Variants in CYP27A1 observed in about 807,000 individuals in gnomAD.
The protein encoded by CYP27A1 is cytochrome P450 family 27 subfamily A member 1, also known as sterol 26-hydroxylase, mitochondrial.
CYP27A1 carries 46 observed loss-of-function variants against 58.2 expected under a neutral mutation model. That is an observed-to-expected ratio of 0.79 (90% confidence interval 0.62 to 1.01). CYP27A1 has a LOEUF of 1.01. CYP27A1 is among the 50% of genes least tolerant of loss of function. The pLI, the probability that CYP27A1 is intolerant of heterozygous loss-of-function variation, is 0.00. For synonymous variants in CYP27A1, 274 were observed against 285.1 expected (o/e 0.96, Z 0.39); for missense variants, 704 against 687.0 (o/e 1.02, Z -0.28).
chr2:218,814,524 C>T (rs1350559523), intron 7 of CYP27A1, 21 bp from the exon 8 acceptor site: 1 of 1,613,598 alleles, frequency 6.2e-7, no homozygotes, highest in South Asian at 1.1e-5. Flanking sequence ...GGCATTCATG[C>T]TGCCCAATCT....
chr2:218,783,707 G>A (rs1171155566), intron 1 of CYP27A1, among the ~76,000 whole-genome samples: 3 of 152,128 alleles, frequency 2.0e-5, no homozygotes, highest in Non-Finnish European at 4.4e-5. Flanking sequence ...AAGAGGGAGG[G>A]GGCTTCGATT....
At chr2:218,804,659 T>C (rs936097790) in intron 1 of CYP27A1, among the ~76,000 whole-genome samples, 1 of 152,250 alleles carries the variant, frequency 6.6e-6, no homozygotes, top group African/African-American at 2.4e-5. Context: ...ATATTAAGTC[T>C]CCTAATCCAT....
At chr2:218,800,867 C>G (rs979106645) in intron 1 of CYP27A1, among the ~76,000 whole-genome samples, 2 of 152,082 alleles carry the variant, frequency 1.3e-5, no homozygotes, top group African/African-American at 4.8e-5. Context: ...TTGTAACTTG[C>G]CATTTTACAG....
At chr2:218,783,952 G>A (rs1300644656) in intron 1 of CYP27A1, among the ~76,000 whole-genome samples, 1 of 152,188 alleles carries the variant, frequency 6.6e-6, no homozygotes, top group Non-Finnish European at 1.5e-5. Context: ...AGCATGGGGT[G>A]AAGACGGCCT....
At chr2:218,804,199 C>T (rs1222745423) in intron 1 of CYP27A1, among the ~76,000 whole-genome samples, 1 of 152,058 alleles carries the variant, frequency 6.6e-6, no homozygotes, top group Non-Finnish European at 1.5e-5. Flanking sequence ...GATTGTTGAT[C>T]CATTTTGAAT....
intron 1 of CYP27A1, among the ~76,000 whole-genome samples, chr2:218,806,434 G>C (rs552698739): frequency 6.6e-6 from 1 of 152,222 alleles, no homozygotes; most frequent in Non-Finnish European, 1.5e-5. Context: ...CGGTACTTGT[G>C]GGGAGAGGCC....
chr2:218,812,657 C>T lies in CYP27A1; in HGVS notation c.752C>T (p.Ser251Leu). Residue 251 changes from serine (S) to leucine (L), a missense_variant, in exon 4 of 9, where the codon TCA (serine) becomes TTA (leucine). By Grantham distance (145) the Ser-to-Leu change is moderately radical (BLOSUM62 -2). Coordinates refer to ENST00000258415, the MANE Select transcript of CYP27A1 (RefSeq NM_000784.4). ...VRSIGLMFQN[S>L]LYATFLPKWT... Reference sequence around the variant, plus strand: ...TCCATCGGGTTAATGTTCCAGAACTCACTCTATGCCACCTTCCTCCCCAAG... The same window carrying T: ...TCCATCGGGTTAATGTTCCAGAACTTACTCTATGCCACCTTCCTCCCCAAG... The T allele has an allele frequency of 6.2e-7, 1 of 1,614,214 alleles. No individual in the cohort carries two copies. Among genetic ancestry groups the T allele is most frequent in the Non-Finnish European group, 8.5e-7 (1 of 1,180,038 alleles).
chr2:218,782,231 G>C lies in CYP27A1; in HGVS notation c.49G>C (p.Gly17Arg). The change falls in exon 1 of 9, where the codon GGC becomes CGC. Residue 17 changes from glycine (G) to arginine (R), a missense_variant. Coordinates refer to ENST00000258415, the MANE Select transcript of CYP27A1 (RefSeq NM_000784.4). This position sits in a 1 kb window ranked among gnomAD's most constrained non-coding sequence, Gnocchi z 4.1. ...GCTGAGGTGGGCGCTGCGAGGGGCC[G>C]GCCGTGGCCTCTGCCCCCACGGGGC... ...ARLRWALRGA[G>R]RGLCPHGARA... 6.5e-7 allele frequency: 1 copy of C among 1,543,278 alleles called. No individual in the cohort carries two copies. Among genetic ancestry groups the C allele is most frequent in the Non-Finnish European group, 8.7e-7 (1 of 1,146,560 alleles).
intron 1 of CYP27A1, among the ~76,000 whole-genome samples, chr2:218,792,004 G>T (rs1386139936): frequency 6.6e-6 from 1 of 151,982 alleles, no homozygotes; most frequent in Non-Finnish European, 1.5e-5. Context: ...GTCTTCCCAG[G>T]AATATGGGTT....
chr2:218,799,687 A>T (rs945034819), intron 1 of CYP27A1, among the ~76,000 whole-genome samples: 1 of 151,988 alleles, frequency 6.6e-6, no homozygotes, highest in South Asian at 2.1e-4. Context: ...CTTTCCCTAT[A>T]TACATACATC....
chr2:218,815,115 G>A lies in CYP27A1; in HGVS notation c.*85G>A, dbSNP rs1431552105. 11 of 1,574,298 alleles carry A rather than the reference G, an allele frequency of 7.0e-6. No homozygotes were observed. The East Asian group carries it at 1.8e-4, about 26-fold the overall frequency. ...CTGGCTGCTGCCATGTCTCAGATGA[G>A]GAGGGAGAGAAGGAGGCCGCCAGAC... On this transcript the variant is annotated 3_prime_UTR_variant, in exon 9 of 9. Transcript: ENST00000258415.
At chr2:218,788,748 G>T (rs569845396) in intron 1 of CYP27A1, among the ~76,000 whole-genome samples, 1 of 152,204 alleles carries the variant, frequency 6.6e-6, no homozygotes, top group Non-Finnish European at 1.5e-5. Context: ...TTCCTATTTG[G>T]CTTCCTTCTT....
chr2:218,800,300 A>C (rs1943587056), intron 1 of CYP27A1, among the ~76,000 whole-genome samples: 1 of 152,150 alleles, frequency 6.6e-6, no homozygotes, highest in Non-Finnish European at 1.5e-5. Flanking sequence ...GCTGAGTCCA[A>C]GCCTTTGTTT....
At chr2:218,786,259 C>T (rs767140165) in intron 1 of CYP27A1, among the ~76,000 whole-genome samples, 18 of 152,160 alleles carry the variant, frequency 1.2e-4, no homozygotes, top group Middle Eastern at 3.4e-3. Flanking sequence ...ATAGACATAC[C>T]CTAATTAGCT....
chr2:218,808,860 C>T (rs890276808), intron 1 of CYP27A1, among the ~76,000 whole-genome samples: 3 of 152,138 alleles, frequency 2.0e-5, no homozygotes, highest in South Asian at 2.1e-4. Context: ...GGATATCTAT[C>T]GTCAAGTGCT....
Position 218,782,462 on chromosome 2 carries a change from T to C in CYP27A1, c.255+25T>C, listed in dbSNP as rs754140326. The C allele has an allele frequency of 7.4e-6, 12 of 1,613,962 alleles. No homozygotes were observed. The South Asian group carries it at 1.1e-4, about 15-fold the overall frequency. ...GGTAACCCGCGGGGGCATCGCGTCC[T>C]GGGGATGGGAGTGGGCACCGGAACA... is the stretch of plus-strand genomic sequence containing the variant. On this transcript the variant is annotated intron_variant, in intron 1 of 8. Coordinates refer to ENST00000258415, the MANE Select transcript of CYP27A1 (RefSeq NM_000784.4). The surrounding 1 kb of genome is among the most constrained non-coding windows in gnomAD (Gnocchi z 4.1).
chr2:218,799,642 TCCATAATCATGTGAGCCAATTCTGTAA>T (rs1179580928), intron 1 of CYP27A1, among the ~76,000 whole-genome samples: 1 of 152,096 alleles, frequency 6.6e-6, no homozygotes. Context: ...CACACCAACC[TCCATAATCATGTGAGCCAATTCTGTAA>T]AATAAATCTT....
intron 1 of CYP27A1, among the ~76,000 whole-genome samples, chr2:218,792,222 A>G (rs1040406642): frequency 1.3e-5 from 2 of 152,238 alleles, no homozygotes; most frequent in African/African-American, 4.8e-5. Flanking sequence ...CATTGGACTT[A>G]CATCCTCTTG....
At chr2:218,808,037 T>G (rs1368505907) in intron 1 of CYP27A1, among the ~76,000 whole-genome samples, 1 of 152,256 alleles carries the variant, frequency 6.6e-6, no homozygotes. Flanking sequence ...TCACATAATC[T>G]ATCTTGGATA....
Sources: gnomAD v4.1 joint callset for allele counts (sites outside exome capture counted in the v4.1 genomes callset) on GRCh38, gnomAD v4.1.1 for gene constraint, Gnocchi (gnomAD v3.1) non-coding constraint, MANE v1.5 for transcripts, NCBI Gene and HGNC (gene_info 2026-07-23, HGNC 2026-07-21) for gene names.